Variants in OPRM1 observed in about 807,000 individuals in gnomAD.
OPRM1 encodes the protein opioid receptor mu 1.
A neutral mutation model predicts 31.8 loss-of-function variants in OPRM1; 27 were observed. That is an observed-to-expected ratio of 0.85 (90% CI 0.63 to 1.17). The LOEUF (loss-of-function observed/expected upper bound fraction) is 1.17. Among genes scored for constraint, OPRM1 ranks in the 50% most tolerant of loss-of-function variants. The pLI is 0.00. For synonymous variants in OPRM1, 196 were observed against 189.9 expected (o/e 1.03, Z -0.26); for missense variants, 536 against 511.1 (o/e 1.05, Z -0.47).
At chr6:154,045,095 G>A (rs1005345446) in intron 1 of OPRM1, among the ~76,000 whole-genome samples, 5 of 152,024 alleles carry the variant, frequency 3.3e-5, no homozygotes, top group Admixed American at 6.6e-5. Context: ...ACTGGGTGGC[G>A]CATGCTTGTA....
At chr6:154,086,126 C>A (rs1256437408) in intron 1 of OPRM1, among the ~76,000 whole-genome samples, 3 of 152,140 alleles carry the variant, frequency 2.0e-5, no homozygotes, top group South Asian at 2.1e-4. Flanking sequence ...GCTTGAGCCA[C>A]CAGGCCCAGC....
intron 3 of OPRM1, 179 bp downstream of exon 3, chr6:154,091,651 G>A (rs1792260019): frequency 1.4e-6 from 2 of 1,406,924 alleles, no homozygotes; most frequent in South Asian, 1.7e-5. Context: ...CTTTATATTT[G>A]ACTGTACATA....
chr6:154,241,647 G>C (rs535110390), intron 3 of OPRM1, among the ~76,000 whole-genome samples: 19 of 152,106 alleles, frequency 1.2e-4, no homozygotes, highest in African/African-American at 4.6e-4. Flanking sequence ...TCTCACTGTT[G>C]GCACTCTAGT....
chr6:154,201,452 T>G (rs1246499620), intron 3 of OPRM1, among the ~76,000 whole-genome samples: 1 of 152,170 alleles, frequency 6.6e-6, no homozygotes, highest in Non-Finnish European at 1.5e-5. Flanking sequence ...ATTTTTAACT[T>G]TATTGGCCAA....
chr6:154,118,131 C>T (rs1224424381), intron 3 of OPRM1, among the ~76,000 whole-genome samples: 1 of 152,140 alleles, frequency 6.6e-6, no homozygotes, highest in Non-Finnish European at 1.5e-5. Context: ...TTCCATGTGT[C>T]TGAGCAAATG....
intron 1 of OPRM1, among the ~76,000 whole-genome samples, chr6:154,054,636 A>T (rs866205647): frequency 5.3e-5 from 8 of 152,376 alleles, no homozygotes; most frequent in Middle Eastern, 3.4e-3. Context: ...TAGTAAATTA[A>T]ATTATCTTGC....
At chr6:154,042,788 T>C (rs1218650254) in intron 1 of OPRM1, among the ~76,000 whole-genome samples, 1 of 152,198 alleles carries the variant, frequency 6.6e-6, no homozygotes, top group Admixed American at 6.5e-5. Flanking sequence ...CTGAAAGCTT[T>C]TTTGGTTTTA....
At chr6:154,092,166 T>C (rs994843696) in intron 3 of OPRM1, among the ~76,000 whole-genome samples, 4 of 152,134 alleles carry the variant, frequency 2.6e-5, no homozygotes, top group African/African-American at 9.7e-5. Flanking sequence ...AGCGACTAGC[T>C]TTTGGAAGGT....
intron 3 of OPRM1, among the ~76,000 whole-genome samples, chr6:154,188,551 T>C (rs1261242461): frequency 1.3e-5 from 2 of 152,208 alleles, no homozygotes; most frequent in Admixed American, 1.3e-4. Context: ...AAAAGGTATA[T>C]GGAGGTTAAA....
intron 3 of OPRM1, among the ~76,000 whole-genome samples, chr6:154,233,707 T>C (rs1296857014): frequency 6.6e-6 from 1 of 152,078 alleles, no homozygotes; most frequent in Non-Finnish European, 1.5e-5. Context: ...AGTAAGGAGA[T>C]CAGTTACTCT....
chr6:154,189,617 T>G (rs572733883), intron 3 of OPRM1, among the ~76,000 whole-genome samples: 3 of 152,342 alleles, frequency 2.0e-5, no homozygotes, highest in Non-Finnish European at 2.9e-5. Flanking sequence ...AAGTGATGGA[T>G]ATGGTATTAC....
At chr6:154,221,908 T>C (rs544453209) in intron 3 of OPRM1, among the ~76,000 whole-genome samples, 1 of 152,174 alleles carries the variant, frequency 6.6e-6, no homozygotes, top group South Asian at 2.1e-4. Flanking sequence ...ATAAAACATA[T>C]AGGTATATCC....
At chr6:154,205,759 C>T (rs1777443013) in intron 3 of OPRM1, among the ~76,000 whole-genome samples, 1 of 152,132 alleles carries the variant, frequency 6.6e-6, no homozygotes. Context: ...ACAAGGTGCA[C>T]ATTTTCCATT....
At chr6:154,182,705 G>T (rs1045801880) in intron 3 of OPRM1, among the ~76,000 whole-genome samples, 1 of 152,106 alleles carries the variant, frequency 6.6e-6, no homozygotes, top group Non-Finnish European at 1.5e-5. Context: ...GTGGGAAGCT[G>T]GAAAATGACC....
At chr6:154,107,953 T>TTTTATTTTATTTTATTTTATTTTATTTTA (rs61614242) in intron 3 of OPRM1, 28 of 518,128 alleles carry the variant, frequency 5.4e-5, no homozygotes, top group African/African-American at 5.2e-4. Context: ...AACACTGATT[T>TTTTATTTTATTTTATTTTATTTTATTTTA]TTTTATTTTA....
chr6:154,194,341 G>A (rs539198307), intron 3 of OPRM1, among the ~76,000 whole-genome samples: 59 of 152,108 alleles, frequency 3.9e-4, no homozygotes, highest in African/African-American at 1.2e-3. Flanking sequence ...AGAGGTTGCC[G>A]TGAGCTGAGA....
intron 3 of OPRM1, among the ~76,000 whole-genome samples, chr6:154,106,174 T>C (rs562148784): frequency 1.9e-4 from 29 of 152,350 alleles, no homozygotes; most frequent in African/African-American, 5.8e-4. Context: ...CAGAAAAAAT[T>C]CACATTCTTA....
chr6:154,223,241 T>C, intron 3 of OPRM1: 16 of 1,611,550 alleles, frequency 9.9e-6, no homozygotes, highest in Non-Finnish European at 1.4e-5. Flanking sequence ...CAGCTTTCTC[T>C]GCCTGAAACA....
chr6:154,015,291 A>G (rs1294091), intron 1 of OPRM1, among the ~76,000 whole-genome samples: 23,980 of 152,076 alleles, frequency 0.16, 2,594 homozygotes, highest in East Asian at 0.41. Context: ...GTTATGTAAA[A>G]AGACAGAGAG....
Sources: gnomAD v4.1 joint callset for allele counts (sites outside exome capture counted in the v4.1 genomes callset) on GRCh38, gnomAD v4.1.1 for gene constraint, MANE v1.5 for transcripts, NCBI Gene and HGNC (gene_info 2026-07-23, HGNC 2026-07-21) for gene names.